TBCA: variants seen among roughly 807,000 people sequenced by gnomAD.
TBCA encodes tubulin folding cofactor A.
A neutral mutation model predicts 15.8 loss-of-function variants in TBCA; 6 were observed. The ratio of observed to expected loss-of-function variants is 0.38; its 90% CI spans 0.21 to 0.75. TBCA has a LOEUF of 0.75. Among genes scored for constraint, TBCA ranks in the 30% least tolerant of loss-of-function variants. The pLI is 0.46. For missense variants in TBCA, 90 were observed against 131.2 expected (o/e 0.69, Z 1.53); for synonymous variants, 32 against 42.3 (o/e 0.76, Z 0.94).
intron 1 of TBCA, among the ~76,000 whole-genome samples, chr5:77,737,805 A>C (rs1746944639): frequency 6.8e-6 from 1 of 146,934 alleles, no homozygotes; most frequent in Non-Finnish European, 1.5e-5. Context: ...CAATAAATCC[A>C]GCACTTTAAC....
chr5:77,745,814 G>A (rs752324013), intron 1 of TBCA, among the ~76,000 whole-genome samples: 1 of 152,216 alleles, frequency 6.6e-6, no homozygotes, highest in Non-Finnish European at 1.5e-5. Context: ...CAGCTGACAA[G>A]GGAGGTACTA....
In TBCA at chr5:77,704,492, G is replaced by A. The variant is rs180807732; in HGVS notation, c.159+3750C>T. Among the ~76,000 whole-genome samples the A allele has an allele frequency of 1.1e-3, 175 of 152,290 alleles. 2 individuals are homozygous for A. The highest frequency in any genetic ancestry group is 4.1e-3 in the African/African-American group (169 of 41,570). ...GTAGTGAGAAGTGACTGAGGATAGT[G>A]TTTAGCTCAGAAGAGGAAGAAATCT... is the stretch of plus-strand genomic sequence containing the variant. On this transcript the variant is annotated intron_variant, in intron 2 of 3. Transcript: ENST00000380377.
intron 1 of TBCA, among the ~76,000 whole-genome samples, chr5:77,734,096 G>GA (rs1218287982): frequency 1.3e-5 from 2 of 152,032 alleles, no homozygotes; most frequent in East Asian, 1.9e-4. Flanking sequence ...CTACTGCTCA[G>GA]AAAAAAAGAC....
At chr5:77,764,913 T>C (rs34210276) in intron 1 of TBCA, among the ~76,000 whole-genome samples, 12,154 of 152,180 alleles carry the variant, frequency 0.08, 639 homozygotes, top group Middle Eastern at 0.12. Flanking sequence ...AGGAGCTTTG[T>C]TTATGTGAAT....
chr5:77,743,345 G>T (rs1275981805), intron 1 of TBCA, among the ~76,000 whole-genome samples: 8 of 152,202 alleles, frequency 5.3e-5, no homozygotes, highest in Non-Finnish European at 1.0e-4. Flanking sequence ...TGGAGAAATG[G>T]ACATTAAGAT....
intron 1 of TBCA, among the ~76,000 whole-genome samples, chr5:77,726,956 A>G (rs189916403): frequency 6.6e-6 from 1 of 152,274 alleles, no homozygotes; most frequent in Non-Finnish European, 1.5e-5. Context: ...AAGAATTGTT[A>G]GCCCAGATGT....
intron 1 of TBCA, among the ~76,000 whole-genome samples, chr5:77,722,346 A>T (rs1443863598): frequency 2.0e-5 from 3 of 152,066 alleles, no homozygotes; most frequent in Non-Finnish European, 4.4e-5. Context: ...ATATAACCAA[A>T]CTGCCATTCA....
intron 3 of TBCA, 52 bp downstream of exon 3, chr5:77,693,214 T>C (rs1396280293): frequency 2.5e-6 from 4 of 1,597,412 alleles, no homozygotes; most frequent in African/African-American, 1.3e-5. Flanking sequence ...TGGCTTTCCA[T>C]GTATTGGATT....
intron 1 of TBCA, among the ~76,000 whole-genome samples, chr5:77,743,498 C>G (rs373811700): frequency 1.0e-3 from 152 of 152,298 alleles, no homozygotes; most frequent in African/African-American, 3.4e-3. Context: ...GAAAGGTTAG[C>G]AAGAAGCAAC....
At chr5:77,772,235 T>C (rs549176648) in intron 1 of TBCA, among the ~76,000 whole-genome samples, 155 of 152,262 alleles carry the variant, frequency 1.0e-3, no homozygotes, top group Non-Finnish European at 1.7e-3. Context: ...GTTCAACTTA[T>C]GTACAGAAAA....
intron 1 of TBCA, among the ~76,000 whole-genome samples, chr5:77,726,705 C>T (rs946111177): frequency 6.6e-6 from 1 of 152,114 alleles, no homozygotes; most frequent in African/African-American, 2.4e-5. Context: ...AATATTCACT[C>T]ATTCACTAAA....
rs1016415849 is a variant in TBCA at position 77,752,860 on chromosome 5, C to T, written c.53+23345G>A. On this transcript the variant is annotated intron_variant, in intron 1 of 3. Transcript: ENST00000380377. ...GGCGTGAGCCACCGCGCCCGGCCTC[C>T]GGCTTATTTTTAATAGAGACGGAGT... 1.5e-4 allele frequency among the ~76,000 whole-genome samples: 23 copies of T among 151,880 alleles called. 5 individuals are homozygous for T. Among genetic ancestry groups the T allele is most frequent in the Admixed American group, 5.3e-4 (8 of 15,216 alleles).
At chr5:77,721,736 A>C (rs1452613599) in intron 1 of TBCA, among the ~76,000 whole-genome samples, 1 of 152,112 alleles carries the variant, frequency 6.6e-6, no homozygotes, top group African/African-American at 2.4e-5. Context: ...AACAGCTAGG[A>C]AAGACTCTGA....
chr5:77,732,838 A>G (rs1163299973), intron 1 of TBCA, among the ~76,000 whole-genome samples: 1 of 152,152 alleles, frequency 6.6e-6, no homozygotes, highest in African/African-American at 2.4e-5. Flanking sequence ...TGCTCCAATG[A>G]CTGGCTGTTC....
At chr5:77,746,542 C>T (rs1231490041) in intron 1 of TBCA, among the ~76,000 whole-genome samples, 1 of 152,178 alleles carries the variant, frequency 6.6e-6, no homozygotes, top group East Asian at 1.9e-4. Context: ...TAGCAATAAA[C>T]TCAATTCCTA....
Position 77,773,654 on chromosome 5 carries a change from C to G in TBCA, c.53+2551G>C, listed in dbSNP as rs191426901. On this transcript the variant is annotated intron_variant, in intron 1 of 3. Transcript: ENST00000380377. ...CCTACTCACATGGTCTCCTTATTGC[C>G]TTGGCAATAAAGCTTCCCGGGAAGT... Among the ~76,000 whole-genome samples, 15 of 152,328 alleles carry G rather than the reference C, an allele frequency of 9.8e-5. No individual in the cohort carries two copies. The East Asian group carries it at 2.7e-3, about 27-fold the overall frequency.
intron 1 of TBCA, among the ~76,000 whole-genome samples, chr5:77,724,739 A>G (rs1244317518): frequency 6.6e-6 from 1 of 152,126 alleles, no homozygotes; most frequent in Non-Finnish European, 1.5e-5. Context: ...CACTTTATAA[A>G]AATTAAAACT....
intron 1 of TBCA, among the ~76,000 whole-genome samples, chr5:77,764,389 T>C (rs1173278201): frequency 1.3e-5 from 2 of 152,120 alleles, no homozygotes; most frequent in African/African-American, 4.8e-5. Flanking sequence ...GGACCAATAA[T>C]GAGTATGTGG....
intron 2 of TBCA, among the ~76,000 whole-genome samples, chr5:77,702,149 T>C (rs974369089): frequency 2.0e-5 from 3 of 152,128 alleles, no homozygotes; most frequent in African/African-American, 7.2e-5. Context: ...GAACTTACTC[T>C]TGTAACCAAA....
Sources: gnomAD v4.1 joint callset for allele counts (sites outside exome capture counted in the v4.1 genomes callset) on GRCh38, gnomAD v4.1.1 for gene constraint, MANE v1.5 for transcripts, NCBI Gene and HGNC (gene_info 2026-07-23, HGNC 2026-07-21) for gene names.